ARMC9: variants seen among roughly 807,000 people sequenced by gnomAD.
ARMC9 encodes armadillo repeat containing 9, also known as lisH domain-containing protein ARMC9.
A neutral mutation model predicts 107.0 loss-of-function variants in ARMC9; 94 were observed. That is an observed-to-expected ratio of 0.88 (90% confidence interval 0.74 to 1.04). The LOEUF (loss-of-function observed/expected upper bound fraction) is 1.04. ARMC9 is among the 50% of genes least tolerant of loss of function. The pLI, the probability that ARMC9 is intolerant of heterozygous loss-of-function variation, is 0.00. For missense variants in ARMC9, 942 were observed against 1,030.1 expected, an observed-to-expected ratio of 0.91 and a Z score of 1.17; for synonymous variants, 380 against 396.9, an observed-to-expected ratio of 0.96 and a Z score of 0.51.
chr2:231,296,528 T>C (rs1002464818), intron 19 of ARMC9, among the ~76,000 whole-genome samples: 13 of 152,212 alleles, frequency 8.5e-5, no homozygotes, highest in Non-Finnish European at 1.8e-4. Flanking sequence ...CATGGGAAGC[T>C]GAACAATGAC....
intron 20 of ARMC9, among the ~76,000 whole-genome samples, chr2:231,337,515 G>T (rs1446062244): frequency 8.1e-6 from 1 of 123,660 alleles, no homozygotes; most frequent in Non-Finnish European, 1.7e-5. Context: ...TGTCGCCCAG[G>T]CTGGAGTTCA....
chr2:231,339,096 A>G (rs1456525120), intron 20 of ARMC9, among the ~76,000 whole-genome samples: 4 of 152,050 alleles, frequency 2.6e-5, no homozygotes, highest in Non-Finnish European at 5.9e-5. Flanking sequence ...TTGGGAGGCC[A>G]AGGCGGGCAG....
At chr2:231,260,468 G>A (rs565642842) in intron 11 of ARMC9, among the ~76,000 whole-genome samples, 28 of 152,210 alleles carry the variant, frequency 1.8e-4, no homozygotes, top group Non-Finnish European at 3.2e-4. Context: ...ATTTCAAGGT[G>A]TCTTGGCATC....
At chr2:231,213,163 T>C (rs183561513) in intron 3 of ARMC9, among the ~76,000 whole-genome samples, 1 of 144,054 alleles carries the variant, frequency 6.9e-6, no homozygotes, top group Non-Finnish European at 1.5e-5. Context: ...AAACGTTTTT[T>C]CTTTTTTTTT....
intron 24 of ARMC9, among the ~76,000 whole-genome samples, chr2:231,371,287 G>A (rs1489758781): frequency 6.6e-6 from 1 of 152,174 alleles, no homozygotes; most frequent in African/African-American, 2.4e-5. Context: ...CAACAAACAC[G>A]TGAGCTGTTG....
At chr2:231,364,241 G>T (rs1036338800) in intron 23 of ARMC9, among the ~76,000 whole-genome samples, 1 of 152,204 alleles carries the variant, frequency 6.6e-6, no homozygotes, top group African/African-American at 2.4e-5. Flanking sequence ...GGTGTGGGGT[G>T]CTTGTGCCTG....
chr2:231,270,942 T>C (rs1050250005), intron 12 of ARMC9, 40 bp from the exon 13 acceptor site: 1 of 1,576,368 alleles, frequency 6.3e-7, no homozygotes, highest in African/African-American at 1.3e-5. Context: ...TATCTCTCCG[T>C]GTTCTTAACC....
At chr2:231,348,077 T>G (rs2044884082) in intron 21 of ARMC9, among the ~76,000 whole-genome samples, 1 of 152,222 alleles carries the variant, frequency 6.6e-6, no homozygotes, top group African/African-American at 2.4e-5. Context: ...CCCTCAAAGA[T>G]GTCCACATCC....
chr2:231,210,170 T>C (rs935576476), intron 3 of ARMC9, among the ~76,000 whole-genome samples: 17 of 152,234 alleles, frequency 1.1e-4, no homozygotes, highest in African/African-American at 3.9e-4. Flanking sequence ...AAGTGGCCCG[T>C]GGAGCTCAAG....
chr2:231,223,657 G>A (rs956768365), intron 6 of ARMC9, among the ~76,000 whole-genome samples: 4 of 152,112 alleles, frequency 2.6e-5, no homozygotes, highest in African/African-American at 9.7e-5. Flanking sequence ...CAAAGCATTT[G>A]ACTTTCTTGA....
rs1424305880 is a variant in ARMC9, at chr2:231,360,830, C to T, written c.2208C>T (p.Thr736=). The T allele has an allele frequency of 5.9e-6, 9 of 1,535,810 alleles. No homozygotes were observed. The highest frequency in any genetic ancestry group is 2.7e-5 in the African/African-American group (2 of 73,054). ...QEEPRPAPTG[T]PRQPREAPQD... is the part of the protein sequence containing the mutation. The stretch of plus-strand genomic sequence containing the variant: ...AGCCTCGCCCAGCCCCCACGGGGAC[C>T]CCCCGCCAGCCAAGGGAGGCGCCCC... Residue 736 remains threonine (T), a synonymous_variant, in exon 23 of 25, where the codon ACC becomes ACT. Coordinates refer to ENST00000611582, the MANE Select transcript of ARMC9 (RefSeq NM_001352754.2). The surrounding 1 kb of genome is among the most constrained non-coding windows in gnomAD (Gnocchi z 4.7).
At chr2:231,217,254 G>C (rs1203290431) in intron 5 of ARMC9, among the ~76,000 whole-genome samples, 4 of 152,200 alleles carry the variant, frequency 2.6e-5, no homozygotes, top group Non-Finnish European at 5.9e-5. Flanking sequence ...GCAAACAAAA[G>C]TAGTTTTTAG....
intron 20 of ARMC9, among the ~76,000 whole-genome samples, chr2:231,334,177 G>T (rs1436006054): frequency 6.6e-6 from 1 of 152,240 alleles, no homozygotes; most frequent in African/African-American, 2.4e-5. Flanking sequence ...CCACTGTGAA[G>T]ATGGGAAGAG....
At chr2:231,199,159 C>T (rs780559233) in intron 1 of ARMC9, among the ~76,000 whole-genome samples, 2 of 152,226 alleles carry the variant, frequency 1.3e-5, no homozygotes, top group Non-Finnish European at 2.9e-5. Context: ...GGCTTCCATA[C>T]AAATCCCATA....
At chr2:231,237,317 C>A (rs2035812634) in intron 8 of ARMC9, among the ~76,000 whole-genome samples, 2 of 152,068 alleles carry the variant, frequency 1.3e-5, no homozygotes, top group Non-Finnish European at 2.9e-5. Context: ...TCCATATGAC[C>A]AGATCCACCT....
chr2:231,313,763 T>C (rs1468166046), intron 19 of ARMC9, among the ~76,000 whole-genome samples: 3 of 151,882 alleles, frequency 2.0e-5, no homozygotes, highest in Non-Finnish European at 4.4e-5. Flanking sequence ...TTCTTTTTTT[T>C]GTTTGTTTGA....
intron 15 of ARMC9, 69 bp downstream of exon 15, chr2:231,276,844 A>G (rs2039805970): frequency 6.3e-7 from 1 of 1,583,084 alleles, no homozygotes; most frequent in Non-Finnish European, 8.6e-7. Flanking sequence ...CTGGGTTTCT[A>G]GTGAGCCTGA....
At chr2:231,222,629 A>G (rs1287260746) in intron 5 of ARMC9, 99 bp from the exon 6 acceptor site, 11 of 613,938 alleles carry the variant, frequency 1.8e-5, no homozygotes, top group Non-Finnish European at 2.7e-5. Context: ...TTTGGTTTCA[A>G]TCACTGTGCA....
intron 21 of ARMC9, among the ~76,000 whole-genome samples, chr2:231,346,317 C>G (rs1397771012): frequency 6.6e-6 from 1 of 151,728 alleles, no homozygotes; most frequent in Non-Finnish European, 1.5e-5. Flanking sequence ...GTCAGGAGAT[C>G]GAGACCATCC....
Sources: allele counts gnomAD v4.1 joint callset (sites outside exome capture counted in the v4.1 genomes callset), GRCh38; gene constraint gnomAD v4.1.1; non-coding constraint Gnocchi (gnomAD v3.1); transcripts MANE v1.5; gene names NCBI Gene and HGNC (gene_info 2026-07-23, HGNC 2026-07-21).